CALN1: variants seen among roughly 807,000 people sequenced by gnomAD.
CALN1 encodes the protein calneuron 1.
Under a neutral mutation model 30.6 loss-of-function variants are expected in CALN1, and 17 were observed. The observed-to-expected ratio is 0.56, with a 90% CI of 0.38 to 0.83. The LOEUF (loss-of-function observed/expected upper bound fraction) is 0.83. Among genes scored for constraint, CALN1 ranks in the 40% least tolerant of loss-of-function variants. The pLI is 0.00. For missense variants in CALN1, 291 were observed against 354.9 expected (o/e 0.82, Z 1.45); for synonymous variants, 156 against 131.4 (o/e 1.19, Z -1.28).
chr7:72,322,985 C>G (rs1016033336), intron 2 of CALN1, among the ~76,000 whole-genome samples: 3 of 90,326 alleles, frequency 3.3e-5, no homozygotes, highest in Non-Finnish European at 6.5e-5. Flanking sequence ...GGAGTGGGAA[C>G]AGAAAAAGGA....
At chr7:72,054,544 CATATATATATAT>C (rs35330773) in intron 4 of CALN1, among the ~76,000 whole-genome samples, 1 of 95,048 alleles carries the variant, frequency 1.1e-5, no homozygotes, top group Non-Finnish European at 2.5e-5. Flanking sequence ...TATATATATA[CATATATATATAT>C]ATATAATGGA....
chr7:72,206,196 A>C (rs945336069), intron 3 of CALN1, among the ~76,000 whole-genome samples: 2 of 152,190 alleles, frequency 1.3e-5, no homozygotes, highest in Admixed American at 1.3e-4. Context: ...TTCCCCAAAA[A>C]ATGTTCAGTA....
chr7:72,022,770 T>C (rs1157642418), intron 5 of CALN1, among the ~76,000 whole-genome samples: 2 of 152,150 alleles, frequency 1.3e-5, no homozygotes, highest in Admixed American at 1.3e-4. Context: ...TGATAGATTA[T>C]AGCATATGTA....
intron 5 of CALN1, among the ~76,000 whole-genome samples, chr7:71,923,093 T>C (rs1296011221): frequency 1.3e-5 from 2 of 150,642 alleles, no homozygotes; most frequent in Non-Finnish European, 2.9e-5. Flanking sequence ...GCCTAAGAAA[T>C]GGGTAATTTT....
At chr7:72,245,108 G>A (rs906258444) in intron 3 of CALN1, among the ~76,000 whole-genome samples, 2 of 152,150 alleles carry the variant, frequency 1.3e-5, no homozygotes, top group African/African-American at 4.8e-5. Context: ...ATTCAAATGA[G>A]GTGACGTAGA....
At chr7:71,950,904 G>T (rs781349641) in intron 5 of CALN1, among the ~76,000 whole-genome samples, 3 of 152,138 alleles carry the variant, frequency 2.0e-5, no homozygotes, top group Non-Finnish European at 2.9e-5. Flanking sequence ...TCTTCATAAA[G>T]CCGGCTCCAC....
chr7:71,992,693 A>G (rs1370517534), intron 5 of CALN1, among the ~76,000 whole-genome samples: 1 of 152,012 alleles, frequency 6.6e-6, no homozygotes, highest in East Asian at 1.9e-4. Context: ...CACTGACCCC[A>G]TTTCTCTGGA....
the CALN1 span, among the ~76,000 whole-genome samples, chr7:72,487,906 GAAAGAAA>G: frequency 1.5e-5 from 1 of 67,796 alleles, no homozygotes; most frequent in African/African-American, 7.0e-5. Flanking sequence ...AAGAAAGAAA[GAAAGAAA>G]GAAAGAAGGA....
chr7:72,190,751 A>T (rs985760968), intron 3 of CALN1, among the ~76,000 whole-genome samples: 27 of 152,200 alleles, frequency 1.8e-4, no homozygotes, highest in African/African-American at 6.5e-4. Context: ...GCCTCCTGGG[A>T]GAGGTTAGCA....
chr7:71,972,001 AAG>A (rs1797863066), intron 5 of CALN1, among the ~76,000 whole-genome samples: 1 of 146,548 alleles, frequency 6.8e-6, no homozygotes, highest in Non-Finnish European at 1.5e-5. Context: ...AAGAGAAAGA[AAG>A]AAAAAAAGAA....
chr7:72,003,796 T>A (rs1193428119), intron 5 of CALN1, among the ~76,000 whole-genome samples: 2 of 152,318 alleles, frequency 1.3e-5, no homozygotes, highest in Admixed American at 1.3e-4. Context: ...AGAAATAAAG[T>A]GCATAATCAA....
chr7:72,041,361 T>A (rs559115998), intron 4 of CALN1, among the ~76,000 whole-genome samples: 1 of 152,022 alleles, frequency 6.6e-6, no homozygotes, highest in South Asian at 2.1e-4. Flanking sequence ...TTTGGCTGTG[T>A]CCCTGTCCCC....
At chr7:72,200,681 A>C (rs1248380670) in intron 3 of CALN1, among the ~76,000 whole-genome samples, 1 of 152,112 alleles carries the variant, frequency 6.6e-6, no homozygotes, top group African/African-American at 2.4e-5. Context: ...AAAAAAACAC[A>C]CATGGAGACA....
intron 3 of CALN1, among the ~76,000 whole-genome samples, chr7:72,245,966 G>T (rs1024173884): frequency 6.6e-6 from 1 of 152,114 alleles, no homozygotes; most frequent in Non-Finnish European, 1.5e-5. Flanking sequence ...CCACATTTTT[G>T]AATTGAAAAA....
At chr7:72,134,367 T>C (rs1222882658) in intron 3 of CALN1, among the ~76,000 whole-genome samples, 2 of 152,116 alleles carry the variant, frequency 1.3e-5, no homozygotes, top group Non-Finnish European at 2.9e-5. Context: ...ACACAAAACC[T>C]AAGGAAACTT....
At chr7:72,364,094 G>C (rs1803734701) in intron 2 of CALN1, among the ~76,000 whole-genome samples, 1 of 151,814 alleles carries the variant, frequency 6.6e-6, no homozygotes, top group African/African-American at 2.4e-5. Flanking sequence ...CTATAATGGA[G>C]AAAATTTGAA....
chr7:71,814,951 A>T (rs1014144339), intron 5 of CALN1, among the ~76,000 whole-genome samples: 9 of 151,180 alleles, frequency 6.0e-5, no homozygotes, highest in Non-Finnish European at 1.0e-4. Context: ...CTCCTGCCTC[A>T]GCCTCCTGAG....
chr7:72,388,910 GTGTT>G (rs1404741529), intron 2 of CALN1, among the ~76,000 whole-genome samples: 1 of 152,170 alleles, frequency 6.6e-6, no homozygotes, highest in Non-Finnish European at 1.5e-5. Flanking sequence ...TCTGCCCTGA[GTGTT>G]TGGGCTTCCT....
intron 3 of CALN1, among the ~76,000 whole-genome samples, chr7:72,146,694 C>A (rs1387259877): frequency 6.6e-6 from 1 of 152,156 alleles, no homozygotes; most frequent in Non-Finnish European, 1.5e-5. Flanking sequence ...AAGATGGAGG[C>A]ATCACACTAC....
Sources: gnomAD v4.1 joint callset for allele counts (sites outside exome capture counted in the v4.1 genomes callset) on GRCh38, gnomAD v4.1.1 for gene constraint, MANE v1.5 for transcripts, NCBI Gene and HGNC (gene_info 2026-07-23, HGNC 2026-07-21) for gene names.